PRIMA1: variants seen among roughly 807,000 people sequenced by gnomAD.
PRIMA1 encodes the protein proline rich membrane anchor 1, also known as proline-rich membrane anchor 1.
A neutral mutation model predicts 17.5 loss-of-function variants in PRIMA1; 7 were observed. The ratio of observed to expected loss-of-function variants is 0.40; its 90% CI spans 0.23 to 0.75. The LOEUF is 0.75. Ranked by LOEUF, PRIMA1 falls within the 30% of genes least tolerant of loss-of-function variation. The pLI, the probability that PRIMA1 is intolerant of heterozygous loss-of-function variation, is 0.37. For synonymous variants in PRIMA1, 97 were observed against 77.9 expected, an observed-to-expected ratio of 1.25 and a Z score of -1.29; for missense variants, 200 against 201.8, an observed-to-expected ratio of 0.99 and a Z score of 0.05.
At chr14:93,780,742 G>A (rs1885353333) in intron 2 of PRIMA1, among the ~76,000 whole-genome samples, 1 of 152,234 alleles carries the variant, frequency 6.6e-6, no homozygotes, top group South Asian at 2.1e-4. Context: ...CTGGGTAGAT[G>A]GATTAGACTG....
At chr14:93,752,355 C>T (rs915872222) in intron 3 of PRIMA1, among the ~76,000 whole-genome samples, 4 of 152,156 alleles carry the variant, frequency 2.6e-5, no homozygotes, top group African/African-American at 9.7e-5. Flanking sequence ...GAGGGAGACC[C>T]CCCCGCCCCC....
intron 4 of PRIMA1, among the ~76,000 whole-genome samples, chr14:93,730,122 C>T (rs2076104434): frequency 1.3e-5 from 2 of 152,220 alleles, no homozygotes; most frequent in South Asian, 4.1e-4. Context: ...CCTCCATTCA[C>T]ACCACAGAAA....
At chr14:93,725,406 C>T (rs2076068527) in intron 4 of PRIMA1, among the ~76,000 whole-genome samples, 1 of 152,174 alleles carries the variant, frequency 6.6e-6, no homozygotes, top group African/African-American at 2.4e-5. Context: ...GGATTCACTG[C>T]AGCCCATGGA....
chr14:93,759,474 CAT>C (rs2076312761), intron 3 of PRIMA1, among the ~76,000 whole-genome samples: 1 of 152,012 alleles, frequency 6.6e-6, no homozygotes, highest in African/African-American at 2.4e-5. Flanking sequence ...GCAGTCCATG[CAT>C]ATATGTGTGT....
chr14:93,788,138 A>G (rs1462427750), intron 1 of PRIMA1, among the ~76,000 whole-genome samples: 4 of 152,090 alleles, frequency 2.6e-5, no homozygotes, highest in African/African-American at 9.7e-5. Flanking sequence ...CTGCGCGCAC[A>G]ACCACAGAAA....
At chr14:93,757,648 C>T (rs1037976681) in intron 3 of PRIMA1, among the ~76,000 whole-genome samples, 8 of 151,236 alleles carry the variant, frequency 5.3e-5, no homozygotes, top group African/African-American at 1.5e-4. Context: ...TGTGTGGAGT[C>T]GTTCAAGCTC....
intron 3 of PRIMA1, among the ~76,000 whole-genome samples, chr14:93,771,602 G>C (rs1459577198): frequency 6.6e-6 from 1 of 152,220 alleles, no homozygotes; most frequent in Non-Finnish European, 1.5e-5. Flanking sequence ...AACTCCTGTA[G>C]CAGCAAGAGA....
At position 93,770,831 on chromosome 14, in the gene PRIMA1, T is replaced by G. The variant is rs756078526; in HGVS notation, c.229+8345A>C. ...CTAGTACCTAGTGCCTGGCATATAG[T>G]AGATATTCAAAAATATCTGTAAGGT... On this transcript the variant is annotated intron_variant, in intron 3 of 4. Coordinates refer to ENST00000393140, the MANE Select transcript of PRIMA1 (RefSeq NM_178013.4). Among the ~76,000 whole-genome samples the G allele has an allele frequency of 3.9e-4, 59 of 152,308 alleles. No individual in the cohort carries two copies. The Middle Eastern group carries it at 0.017, about 44-fold the overall frequency.
chr14:93,777,489 A>G (rs1885253278), intron 3 of PRIMA1, among the ~76,000 whole-genome samples: 1 of 152,128 alleles, frequency 6.6e-6, no homozygotes, highest in Non-Finnish European at 1.5e-5. Flanking sequence ...GGCGCCTGCC[A>G]CCAACGCCTG....
In PRIMA1 at chr14:93,787,215, G is replaced by A. The variant is rs140553397; in HGVS notation, c.93+411C>T. 2.6e-3 allele frequency among the ~76,000 whole-genome samples: 403 copies of A among 152,284 alleles called. 1 individual carries two copies. The highest frequency in any genetic ancestry group is 9.2e-3 in the African/African-American group (381 of 41,556). On this transcript the variant is annotated intron_variant, in intron 2 of 4. Transcript: ENST00000393140. ...CAACTCTGATACCTATAAGAAACAC[G>A]GCTGCCTTCCGTGTTGAAAACCAGT...
intron 4 of PRIMA1, among the ~76,000 whole-genome samples, chr14:93,729,240 T>G (rs1037301570): frequency 6.6e-6 from 1 of 152,248 alleles, no homozygotes; most frequent in Non-Finnish European, 1.5e-5. Context: ...CATGCATCAA[T>G]GCTCAGCACT....
chr14:93,726,586 CAT>C lies in PRIMA1; in HGVS notation c.360-5042_360-5041del, dbSNP rs1437246855. Among the ~76,000 whole-genome samples the C allele has an allele frequency of 6.6e-6, 1 of 152,044 alleles. No homozygotes were observed. The highest frequency in any genetic ancestry group is 1.5e-5 in the Non-Finnish European group (1 of 68,002). On this transcript the variant is annotated intron_variant, in intron 4 of 4. Transcript: ENST00000393140. The surrounding 1 kb of genome is among the most constrained non-coding windows in gnomAD (Gnocchi z 4.2). Reference sequence around the variant, plus strand: ...CATACACACACACTATACACATACACATGTACGCAAACACACACATATATAAT... The same window carrying C: ...CATACACACACACTATACACATACACGTACGCAAACACACACATATATAAT...
intron 3 of PRIMA1, among the ~76,000 whole-genome samples, chr14:93,752,969 C>A (rs1316659967): frequency 6.6e-6 from 1 of 152,190 alleles, no homozygotes; most frequent in Non-Finnish European, 1.5e-5. Context: ...GAATGCCTCG[C>A]AGCATCCCTG....
intron 4 of PRIMA1, among the ~76,000 whole-genome samples, chr14:93,729,156 T>A (rs141619533): frequency 1.3e-5 from 2 of 152,314 alleles, no homozygotes; most frequent in East Asian, 3.9e-4. Flanking sequence ...GATTCTGGAC[T>A]AAGCACAGGT....
chr14:93,737,841 C>A (rs74076321), intron 3 of PRIMA1, among the ~76,000 whole-genome samples: 5,114 of 152,240 alleles, frequency 0.034, 274 homozygotes, highest in African/African-American at 0.12. Flanking sequence ...ATCCATCCTC[C>A]CTCGGCATGA....
intron 3 of PRIMA1, among the ~76,000 whole-genome samples, chr14:93,749,978 C>T (rs886498791): frequency 8.5e-5 from 13 of 152,150 alleles, no homozygotes; most frequent in African/African-American, 2.9e-4. Context: ...GTCAGGAGTT[C>T]GAGACCAGCC....
intron 3 of PRIMA1, 72 bp from the exon 4 acceptor site, chr14:93,737,442 T>G: frequency 6.4e-7 from 1 of 1,556,970 alleles, no homozygotes; most frequent in South Asian, 1.2e-5. Context: ...GGTGGGACCA[T>G]CATGGGTGAC....
chr14:93,753,734 C>G (rs902228331), intron 3 of PRIMA1, among the ~76,000 whole-genome samples: 2 of 152,170 alleles, frequency 1.3e-5, no homozygotes, highest in South Asian at 2.1e-4. Flanking sequence ...GATGCTGCCC[C>G]CTTTGTGGAG....
rs114602573 is a variant in PRIMA1, at chr14:93,754,709, T to G, written c.230-17339A>C. 5.0e-3 allele frequency among the ~76,000 whole-genome samples: 759 copies of G among 152,350 alleles called. 8 individuals carry two copies. The highest frequency in any genetic ancestry group is 0.017 in the African/African-American group (714 of 41,576). On this transcript the variant is annotated intron_variant, in intron 3 of 4. Transcript: ENST00000393140. ...AGTCATGAGCTCCCAGAGCACATTA[T>G]TTCAAAATCCAGTGGACATTGAGCC...
Sources: gnomAD v4.1 joint callset for allele counts (sites outside exome capture counted in the v4.1 genomes callset) on GRCh38, gnomAD v4.1.1 for gene constraint, Gnocchi (gnomAD v3.1) non-coding constraint, MANE v1.5 for transcripts, NCBI Gene and HGNC (gene_info 2026-07-23, HGNC 2026-07-21) for gene names.